Variants in STT3B observed in about 807,000 individuals in gnomAD.
STT3B encodes dolichyl-diphosphooligosaccharide--protein glycosyltransferase subunit STT3B.
Under a neutral mutation model 96.8 loss-of-function variants are expected in STT3B, and 29 were observed. The ratio of observed to expected loss-of-function variants is 0.30; its 90% CI spans 0.22 to 0.41. The LOEUF is 0.41. Ranked by LOEUF, STT3B falls within the 10% of genes least tolerant of loss-of-function variation. STT3B has a pLI of 1.00. For synonymous variants in STT3B, 367 were observed against 360.0 expected (o/e 1.02, Z -0.22); for missense variants, 640 against 1,022.3 (o/e 0.63, Z 5.10).
chr3:31,539,062 C>T (rs1697167749), intron 1 of STT3B, among the ~76,000 whole-genome samples: 1 of 151,966 alleles, frequency 6.6e-6, no homozygotes, highest in Non-Finnish European at 1.5e-5. Context: ...TGTAGGCTTG[C>T]CAGGAAATCT....
At chr3:31,596,370 G>A (rs879298483) in intron 3 of STT3B, among the ~76,000 whole-genome samples, 16 of 152,000 alleles carry the variant, frequency 1.1e-4, no homozygotes, top group Admixed American at 6.6e-4. Flanking sequence ...ACCTCATTGC[G>A]TAGGGTGTGG....
At chr3:31,633,509 G>A (rs1280121074) in intron 15 of STT3B, among the ~76,000 whole-genome samples, 1 of 152,140 alleles carries the variant, frequency 6.6e-6, no homozygotes, top group Non-Finnish European at 1.5e-5. Flanking sequence ...GCATCTTCAT[G>A]TTCCATTCTT....
chr3:31,575,102 G>T (rs1234112451), intron 1 of STT3B, among the ~76,000 whole-genome samples: 1 of 151,972 alleles, frequency 6.6e-6, no homozygotes, highest in African/African-American at 2.4e-5. Context: ...TGTATTGTTT[G>T]CTTATAGCTA....
intron 5 of STT3B, among the ~76,000 whole-genome samples, chr3:31,613,786 GTTTAAC>G (rs1699239627): frequency 6.6e-6 from 1 of 151,680 alleles, no homozygotes; most frequent in Admixed American, 6.6e-5. Context: ...GGAAATTTTT[GTTTAAC>G]TTTGATTACA....
chr3:31,632,899 T>C, intron 14 of STT3B, 36 bp from the exon 15 acceptor site: 1 of 1,571,542 alleles, frequency 6.4e-7, no homozygotes. Flanking sequence ...TGTTTTCCAA[T>C]ATGGTTAACA....
chr3:31,571,717 T>C (rs1421514657), intron 1 of STT3B, among the ~76,000 whole-genome samples: 1 of 151,914 alleles, frequency 6.6e-6, no homozygotes, highest in Non-Finnish European at 1.5e-5. Flanking sequence ...AACAGAGAAG[T>C]CCTTGAGATA....
chr3:31,627,590 CTT>C (rs974054697), intron 13 of STT3B, among the ~76,000 whole-genome samples: 6 of 152,342 alleles, frequency 3.9e-5, no homozygotes, highest in African/African-American at 1.2e-4. Context: ...ATAAAGGAAT[CTT>C]TTGGGAAAAA....
At chr3:31,559,493 AT>A (rs1429502885) in intron 1 of STT3B, among the ~76,000 whole-genome samples, 1 of 151,528 alleles carries the variant, frequency 6.6e-6, no homozygotes, top group Non-Finnish European at 1.5e-5. Context: ...TTTAAGTTCC[AT>A]GTATTTGTAC....
At chr3:31,588,368 A>T (rs1167740471) in intron 3 of STT3B, among the ~76,000 whole-genome samples, 1 of 152,216 alleles carries the variant, frequency 6.6e-6, no homozygotes, top group Admixed American at 6.5e-5. Flanking sequence ...CAGTTAGGAA[A>T]TGTTAACTTA....
chr3:31,547,986 G>C (rs183090966), intron 1 of STT3B, among the ~76,000 whole-genome samples: 40 of 152,296 alleles, frequency 2.6e-4, no homozygotes, highest in African/African-American at 8.4e-4. Flanking sequence ...ATAATACTTA[G>C]TGGAAGGATT....
chr3:31,629,571 A>C (rs1699608679), intron 14 of STT3B, among the ~76,000 whole-genome samples, 160 bp downstream of exon 14: 1 of 152,190 alleles, frequency 6.6e-6, no homozygotes, highest in Non-Finnish European at 1.5e-5. Flanking sequence ...TTCTGAAACT[A>C]ATATGTGAGA....
intron 5 of STT3B, among the ~76,000 whole-genome samples, chr3:31,606,084 C>G (rs1699046958): frequency 6.6e-6 from 1 of 152,152 alleles, no homozygotes. Flanking sequence ...ATGATTTAGG[C>G]TATCTGGTGG....
At chr3:31,612,441 G>A (rs1458981393) in intron 5 of STT3B, among the ~76,000 whole-genome samples, 2 of 152,196 alleles carry the variant, frequency 1.3e-5, no homozygotes, top group African/African-American at 4.8e-5. Flanking sequence ...GACTAATTGG[G>A]ATAGAGGAAG....
chr3:31,598,382 T>C (rs1698841696), intron 4 of STT3B, among the ~76,000 whole-genome samples: 1 of 152,056 alleles, frequency 6.6e-6, no homozygotes, highest in Non-Finnish European at 1.5e-5. Context: ...CTAAACAGTT[T>C]AGTGAAGTGA....
At chr3:31,621,805 T>A (rs1405879424) in intron 9 of STT3B, among the ~76,000 whole-genome samples, 3 of 152,236 alleles carry the variant, frequency 2.0e-5, no homozygotes, top group African/African-American at 7.2e-5. Context: ...ATGGGTTTTT[T>A]ATGATGTTAT....
intron 1 of STT3B, among the ~76,000 whole-genome samples, chr3:31,556,479 C>G (rs1312688203): frequency 6.6e-6 from 1 of 152,180 alleles, no homozygotes; most frequent in African/African-American, 2.4e-5. Context: ...AATCTCCACA[C>G]TCTTTTCCAA....
intron 3 of STT3B, among the ~76,000 whole-genome samples, chr3:31,595,197 A>C (rs929716672): frequency 6.6e-6 from 1 of 152,236 alleles, no homozygotes; most frequent in Non-Finnish European, 1.5e-5. Flanking sequence ...CTTATGACCC[A>C]AAATCAAATT....
intron 4 of STT3B, 120 bp downstream of exon 4, chr3:31,596,983 A>G (rs1299232842): frequency 2.7e-6 from 2 of 742,664 alleles, no homozygotes; most frequent in African/African-American, 3.5e-5. Flanking sequence ...CATTACTACC[A>G]TCCTCTTTCC....
chr3:31,605,578 G>A (rs1269589992), intron 5 of STT3B, among the ~76,000 whole-genome samples: 1 of 152,166 alleles, frequency 6.6e-6, no homozygotes, highest in African/African-American at 2.4e-5. Flanking sequence ...CCTCTTGCCT[G>A]CTGCCATGTA....
Sources: gnomAD v4.1 joint callset for allele counts (sites outside exome capture counted in the v4.1 genomes callset) on GRCh38, gnomAD v4.1.1 for gene constraint, MANE v1.5 for transcripts, NCBI Gene and HGNC (gene_info 2026-07-23, HGNC 2026-07-21) for gene names.